The following NUP210L variants were observed in gnomAD, a reference collection of about 807,000 sequenced individuals.
NUP210L encodes the protein nuclear pore membrane glycoprotein 210-like.
NUP210L carries 74 observed loss-of-function variants against 208.5 expected under a neutral mutation model. The ratio of observed to expected loss-of-function variants is 0.35; its 90% CI spans 0.29 to 0.43. NUP210L has a LOEUF of 0.43. NUP210L is among the 20% of genes least tolerant of loss of function. The pLI, the probability that NUP210L is intolerant of heterozygous loss-of-function variation, is 1.00. For missense variants in NUP210L, 1,843 were observed against 2,289.4 expected (o/e 0.81, Z 3.98); for synonymous variants, 780 against 816.9 (o/e 0.95, Z 0.77).
chr1:154,138,560 T>C (rs1476455042), intron 5 of NUP210L, among the ~76,000 whole-genome samples: 2 of 152,212 alleles, frequency 1.3e-5, no homozygotes, highest in Non-Finnish European at 2.9e-5. Flanking sequence ...GAAATTCTTT[T>C]AGCCAACCTC....
chr1:154,056,715 C>T, intron 23 of NUP210L, 100 bp downstream of exon 23: 1 of 1,263,646 alleles, frequency 7.9e-7, no homozygotes, highest in Non-Finnish European at 1.1e-6. Flanking sequence ...CCACTGTGCC[C>T]AGCCAGTCAA....
At chr1:153,997,661 C>T (rs2147881079) in intron 37 of NUP210L, among the ~76,000 whole-genome samples, 1 of 149,282 alleles carries the variant, frequency 6.7e-6, no homozygotes, top group Non-Finnish European at 1.5e-5. Context: ...TGGGGTTTTG[C>T]CATGTTGCCC....
chr1:154,104,245 T>C (rs763392343), intron 12 of NUP210L, 35 bp from the exon 13 acceptor site: 2 of 1,588,748 alleles, frequency 1.3e-6, no homozygotes, highest in Non-Finnish European at 1.7e-6. Flanking sequence ...AAGAAAGTTA[T>C]GTTAAAAAAA....
rs189820061 is a variant in NUP210L at position 154,112,245 on chromosome 1, T to A, written c.1620+5480A>T. On this transcript the variant is annotated intron_variant, in intron 12 of 39. Coordinates refer to ENST00000368559, the Ensembl canonical transcript of NUP210L. ...CCTGGCCTCAACAACACATTTTTTT[T>A]AAAAATCATTAATGGCCAGACAGAG... Among the ~76,000 whole-genome samples the A allele has an allele frequency of 1.8e-3, 278 of 152,092 alleles. 1 individual carries two copies. Among genetic ancestry groups the A allele is most frequent in the Middle Eastern group, 3.4e-3 (1 of 294 alleles).
At chr1:154,138,011 C>T (rs1658634896) in intron 6 of NUP210L, 95 bp downstream of exon 6, 1 of 887,528 alleles carries the variant, frequency 1.1e-6, no homozygotes, top group Non-Finnish European at 1.6e-6. Context: ...TCTAAAAACA[C>T]AAGTATTTTT....
chr1:153,995,754 A>C, intron 37 of NUP210L: 1 of 745,808 alleles, frequency 1.3e-6, no homozygotes, highest in Non-Finnish European at 2.4e-6. Flanking sequence ...ATGGGAAAGC[A>C]CCAAAATCTG....
At chr1:154,025,491 C>T in intron 30 of NUP210L, 51 bp downstream of exon 30, 3 of 1,252,730 alleles carry the variant, frequency 2.4e-6, no homozygotes, top group Non-Finnish European at 3.2e-6. Context: ...TTTTTAAGGC[C>T]AGGGTATGAC....
chr1:154,117,027 G>C (rs963559439), intron 12 of NUP210L, among the ~76,000 whole-genome samples: 21 of 152,144 alleles, frequency 1.4e-4, no homozygotes, highest in Non-Finnish European at 2.5e-4. Context: ...TGAACTTGTA[G>C]AGCACTGTAA....
At chr1:154,040,055 A>G (rs1400596302) in intron 27 of NUP210L, 1 of 152,128 alleles carries the variant, frequency 6.6e-6, no homozygotes, top group African/African-American at 2.4e-5. Context: ...ATCTCGCTCT[A>G]TCTATCACTC....
At chr1:154,089,756 T>C (rs930232741) in intron 15 of NUP210L, among the ~76,000 whole-genome samples, 162 bp from the exon 16 acceptor site, 4 of 152,152 alleles carry the variant, frequency 2.6e-5, no homozygotes. Flanking sequence ...TAATTATCTA[T>C]GCTAAAGGGC....
rs369752857 is a variant in NUP210L at position 154,013,208 on chromosome 1, T to G, written c.4654-838A>C. On this transcript the variant is annotated intron_variant, in intron 33 of 39. Coordinates refer to ENST00000368559, the Ensembl canonical transcript of NUP210L. ...CTACCATGCCTAGCCCAAAATAACA[T>G]TTTTTCTAGAAGGAAGTCTTGGGTC... Among the ~76,000 whole-genome samples, 4 of 152,120 alleles carry G rather than the reference T, an allele frequency of 2.6e-5. No individual in the cohort carries two copies. The East Asian group carries it at 7.7e-4, about 29-fold the overall frequency.
At chr1:154,023,543 T>C (rs2147930558) in intron 30 of NUP210L, among the ~76,000 whole-genome samples, 1 of 152,138 alleles carries the variant, frequency 6.6e-6, no homozygotes, top group African/African-American at 2.4e-5. Flanking sequence ...AGCGGCATGA[T>C]TTTGACTCAC....
chr1:154,073,700 A>G (rs1485830808), intron 16 of NUP210L, among the ~76,000 whole-genome samples: 3 of 151,796 alleles, frequency 2.0e-5, no homozygotes, highest in African/African-American at 7.3e-5. Context: ...CTGTAGTCCC[A>G]GCTACTCAGG....
chr1:154,052,042 C>T (rs1653533879), intron 25 of NUP210L, among the ~76,000 whole-genome samples: 1 of 152,162 alleles, frequency 6.6e-6, no homozygotes, highest in Admixed American at 6.5e-5. Context: ...CTACGGGACC[C>T]CCGTATGCAA....
chr1:154,116,087 C>G (rs780388770), intron 12 of NUP210L, among the ~76,000 whole-genome samples: 2 of 151,942 alleles, frequency 1.3e-5, no homozygotes, highest in Non-Finnish European at 2.9e-5. Flanking sequence ...AACCCCATCT[C>G]TATTAAAAAT....
chr1:154,012,210 G>A (rs1349491378), intron 34 of NUP210L, 34 bp downstream of exon 34: 2 of 1,603,222 alleles, frequency 1.2e-6, no homozygotes, highest in Non-Finnish European at 1.7e-6. Flanking sequence ...AGAAAGATAG[G>A]AACAATCACT....
At chr1:154,030,142 T>C in intron 27 of NUP210L, 88 bp from the exon 28 acceptor site, 2 of 950,268 alleles carry the variant, frequency 2.1e-6, no homozygotes, top group Non-Finnish European at 2.9e-6. Flanking sequence ...ATTAAATTTT[T>C]TTTTAAATTA....
intron 28 of NUP210L, 23 bp from the exon 29 acceptor site, chr1:154,027,620 T>A: frequency 6.4e-7 from 1 of 1,552,086 alleles, no homozygotes; most frequent in Non-Finnish European, 8.9e-7. Context: ...AATGTTTTCC[T>A]CATTTTTGGC....
intron 30 of NUP210L, among the ~76,000 whole-genome samples, chr1:154,024,863 G>C (rs1305131333): frequency 6.8e-6 from 1 of 146,838 alleles, no homozygotes; most frequent in African/African-American, 2.5e-5. Context: ...ACACTCCTCC[G>C]ATACCAGTCC....
Sources: allele counts gnomAD v4.1 joint callset (sites outside exome capture counted in the v4.1 genomes callset), GRCh38; gene constraint gnomAD v4.1.1; transcripts MANE v1.5; gene names NCBI Gene and HGNC (gene_info 2026-07-23, HGNC 2026-07-21).